NLGN1: variants seen among roughly 807,000 people sequenced by gnomAD.
The protein encoded by NLGN1 is neuroligin-1.
A neutral mutation model predicts 65.5 loss-of-function variants in NLGN1; 12 were observed. That is an observed-to-expected ratio of 0.18 (90% CI 0.12 to 0.30). The LOEUF (loss-of-function observed/expected upper bound fraction) is 0.30, where lower values mean the gene tolerates loss of function less well. Ranked by LOEUF, NLGN1 falls within the 10% of genes least tolerant of loss-of-function variation. The pLI is 1.00. For missense variants in NLGN1, 750 were observed against 1,007.1 expected, an observed-to-expected ratio of 0.74 and a Z score of 3.46; for synonymous variants, 350 against 359.5, an observed-to-expected ratio of 0.97 and a Z score of 0.30.
intron 1 of NLGN1, among the ~76,000 whole-genome samples, chr3:173,425,965 A>G (rs1319685905): frequency 6.6e-6 from 1 of 152,022 alleles, no homozygotes; most frequent in Non-Finnish European, 1.5e-5. Flanking sequence ...CAGGAACATG[A>G]TATGTCTTTT....
At chr3:173,723,673 T>G (rs923568820) in intron 3 of NLGN1, among the ~76,000 whole-genome samples, 5 of 152,146 alleles carry the variant, frequency 3.3e-5, no homozygotes, top group African/African-American at 1.2e-4. Flanking sequence ...AAAATAAGTG[T>G]GTATTATAGT....
At chr3:173,716,728 A>G (rs549141155) in intron 3 of NLGN1, among the ~76,000 whole-genome samples, 76 of 137,314 alleles carry the variant, frequency 5.5e-4, no homozygotes, top group Non-Finnish European at 1.1e-3. Flanking sequence ...CCTTAAGTCT[A>G]AAAGAGAAAG....
rs201422489 is a variant in NLGN1 at position 173,534,276 on chromosome 3, C to CATT, written c.-320-70001_-320-69999dup. On this transcript the variant is annotated intron_variant, in intron 2 of 6. Coordinates refer to ENST00000457714, the Ensembl canonical transcript of NLGN1. ...AGATTCTTTTGCAAATAAGTGTCCTCATTAATTTCTTAATAGTGTTTTCAC... is the reference window on the plus strand; with the variant it reads ...AGATTCTTTTGCAAATAAGTGTCCTCATTATTAATTTCTTAATAGTGTTTTCAC... Among the ~76,000 whole-genome samples the CATT allele has an allele frequency of 1.0e-3, 154 of 152,302 alleles. 1 individual carries two copies. The highest frequency in any genetic ancestry group is 6.8e-3 in the Middle Eastern group (2 of 294).
intron 2 of NLGN1, among the ~76,000 whole-genome samples, chr3:173,568,705 T>G (rs1226608223): frequency 1.3e-5 from 2 of 152,312 alleles, no homozygotes; most frequent in South Asian, 2.1e-4. Context: ...AGATGGAATC[T>G]CGCTCTGTTG....
intron 4 of NLGN1, among the ~76,000 whole-genome samples, chr3:174,125,490 A>G (rs2152657526): frequency 6.6e-6 from 1 of 152,158 alleles, no homozygotes; most frequent in East Asian, 1.9e-4. Flanking sequence ...AGGGAAGTAA[A>G]GGAGAAGGAG....
rs766915221 is a variant in NLGN1, at chr3:174,278,857, A to G, written c.860-4A>G. ...TCTAAAATTCTTTGTTGATTTTCCCATAGGACTTTTTCAACGAGCAATAGC... is the reference window on the plus strand; with the variant it reads ...TCTAAAATTCTTTGTTGATTTTCCCGTAGGACTTTTTCAACGAGCAATAGC... On this transcript the variant is annotated splice_region_variant and splice_polypyrimidine_tract_variant and intron_variant, in intron 5 of 6. Coordinates refer to ENST00000457714, the Ensembl canonical transcript of NLGN1. The G allele has an allele frequency of 1.6e-5, 24 of 1,478,308 alleles. No individual in the cohort carries two copies. Among genetic ancestry groups the G allele is most frequent in the African/African-American group, 5.7e-5 (4 of 70,750 alleles). The allele number at this position is 1,478,308 out of a possible 1,614,324, so 91.6% of individuals were successfully genotyped here.
chr3:174,100,099 C>T (rs1274309459), intron 4 of NLGN1, among the ~76,000 whole-genome samples: 16 of 151,866 alleles, frequency 1.1e-4, no homozygotes, highest in Admixed American at 8.5e-4. Context: ...CCTCATTGAG[C>T]AAAATAAGGT....
chr3:173,525,484 T>C (rs1000629266), intron 2 of NLGN1, among the ~76,000 whole-genome samples: 8 of 152,128 alleles, frequency 5.3e-5, no homozygotes, highest in Non-Finnish European at 7.4e-5. Flanking sequence ...ATTTCTGATA[T>C]GTACTCATTT....
At chr3:174,015,568 T>C (rs1374132321) in intron 4 of NLGN1, among the ~76,000 whole-genome samples, 2 of 152,184 alleles carry the variant, frequency 1.3e-5, no homozygotes, top group Admixed American at 1.3e-4. Flanking sequence ...CATATGAATG[T>C]TGGGGGAACA....
intron 3 of NLGN1, among the ~76,000 whole-genome samples, chr3:173,797,910 AGC>A (rs2150395084): frequency 6.6e-6 from 1 of 152,236 alleles, no homozygotes; most frequent in East Asian, 1.9e-4. Context: ...AGAGCTAGCC[AGC>A]TCTAAATACA....
At chr3:173,439,167 A>AT (rs1449618802) in intron 2 of NLGN1, among the ~76,000 whole-genome samples, 2 of 152,100 alleles carry the variant, frequency 1.3e-5, no homozygotes, top group Non-Finnish European at 2.9e-5. Flanking sequence ...CAAGGGAAGA[A>AT]TTTTTTCCCC....
At chr3:174,231,256 G>T (rs1740645509) in intron 4 of NLGN1, among the ~76,000 whole-genome samples, 1 of 152,204 alleles carries the variant, frequency 6.6e-6, no homozygotes, top group Admixed American at 6.5e-5. Context: ...GAATCGGAGA[G>T]TCCCAGAAGC....
chr3:173,933,877 T>C (rs958188337), intron 4 of NLGN1, among the ~76,000 whole-genome samples: 2 of 152,012 alleles, frequency 1.3e-5, no homozygotes, highest in African/African-American at 2.4e-5. Flanking sequence ...GTTTGGGTAA[T>C]TTTTTTCTTA....
chr3:173,597,361 C>T (rs985010000), intron 2 of NLGN1, among the ~76,000 whole-genome samples: 1 of 152,150 alleles, frequency 6.6e-6, no homozygotes, highest in Non-Finnish European at 1.5e-5. Flanking sequence ...GTTATGAAGA[C>T]TAAGTGACAT....
At chr3:173,687,472 C>G (rs1350511668) in intron 3 of NLGN1, among the ~76,000 whole-genome samples, 1 of 152,122 alleles carries the variant, frequency 6.6e-6, no homozygotes, top group African/African-American at 2.4e-5. Flanking sequence ...GTTGGGGACT[C>G]AAATAGTAGG....
At chr3:173,605,325 A>T (rs1751206711) in intron 3 of NLGN1, among the ~76,000 whole-genome samples, 1 of 152,034 alleles carries the variant, frequency 6.6e-6, no homozygotes, top group Admixed American at 6.6e-5. Flanking sequence ...ATATTTAGGT[A>T]GAAATGGGTT....
intron 3 of NLGN1, among the ~76,000 whole-genome samples, chr3:173,711,584 T>A (rs1317893953): frequency 2.6e-5 from 4 of 152,198 alleles, no homozygotes; most frequent in African/African-American, 7.2e-5. Context: ...ATTAGTTTCA[T>A]ATTGCTTGGC....
chr3:173,492,394 G>A (rs1009216650), intron 2 of NLGN1, among the ~76,000 whole-genome samples: 2 of 151,576 alleles, frequency 1.3e-5, no homozygotes, highest in Non-Finnish European at 2.9e-5. Context: ...TTATGGTTAG[G>A]GTTCTAGGCA....
exon 3 of NLGN1, chr3:173,604,598 C>G (rs778687407): frequency 1.2e-5 from 19 of 1,612,854 alleles, no homozygotes; most frequent in Non-Finnish European, 1.5e-5. Flanking sequence ...AATGTGGGAC[C>G]ATGGCACTGC....
Sources: allele counts gnomAD v4.1 joint callset (sites outside exome capture counted in the v4.1 genomes callset), GRCh38; gene constraint gnomAD v4.1.1; transcripts MANE v1.5; gene names NCBI Gene and HGNC (gene_info 2026-07-23, HGNC 2026-07-21).